TPCN2: variants seen among roughly 807,000 people sequenced by gnomAD.
The protein encoded by TPCN2 is two pore segment channel 2.
A neutral mutation model predicts 111.4 loss-of-function variants in TPCN2; 92 were observed. The ratio of observed to expected loss-of-function variants is 0.83; its 90% CI spans 0.70 to 0.98. TPCN2 has a LOEUF of 0.98. TPCN2 is among the 50% of genes least tolerant of loss of function. The pLI is 0.00. For missense variants in TPCN2, 995 were observed against 980.1 expected, an observed-to-expected ratio of 1.02 and a Z score of -0.20; for synonymous variants, 405 against 414.5, an observed-to-expected ratio of 0.98 and a Z score of 0.28.
At chr11:69,053,835 C>T (rs1012375486) in intron 1 of TPCN2, among the ~76,000 whole-genome samples, 198 bp from the exon 2 acceptor site, 9 of 152,194 alleles carry the variant, frequency 5.9e-5, no homozygotes, top group African/African-American at 1.9e-4. Context: ...CTGGCCTGTG[C>T]ATTTGATGCC....
intron 11 of TPCN2, among the ~76,000 whole-genome samples, 166 bp downstream of exon 11, chr11:69,072,189 C>T (rs984953651): frequency 2.6e-5 from 4 of 152,168 alleles, no homozygotes; most frequent in Non-Finnish European, 5.9e-5. Flanking sequence ...CTGTGGTTCC[C>T]GGCGTCCTTG....
At position 69,087,184 on chromosome 11, in the gene TPCN2, A is replaced by G. The variant is rs759079153; in HGVS notation, c.2158A>G (p.Met720Val). 6.2e-7 allele frequency: 1 copy of G among 1,613,732 alleles called. No individual in the cohort carries two copies. Among genetic ancestry groups the G allele is most frequent in the South Asian group, 1.1e-5 (1 of 91,068 alleles). The change falls in exon 24 of 25, where the codon ATG becomes GTG. Residue 720 changes from methionine (M) to valine (V), a missense_variant. By Grantham distance (21) the Met-to-Val change is conservative. Coordinates refer to ENST00000294309, the MANE Select transcript of TPCN2 (RefSeq NM_139075.4). ...LAGTPEATYQ[M>V]TVELLFRDIL... is the part of the protein sequence containing the mutation. Reference sequence around the variant, plus strand: ...TGGGACCCCAGAGGCCACCTACCAGATGACTGTGGAGCTCCTGTTCAGGTG... The same window carrying G: ...TGGGACCCCAGAGGCCACCTACCAGGTGACTGTGGAGCTCCTGTTCAGGTG...
intron 24 of TPCN2, 26 bp downstream of exon 24, chr11:69,087,232 G>C (rs375230173): frequency 1.3e-5 from 21 of 1,607,146 alleles, no homozygotes; most frequent in Admixed American, 1.7e-5. Context: ...AGGCGCTTCT[G>C]TCTGGCCCCC....
chr11:69,085,772 C>T lies in TPCN2; in HGVS notation c.1920+20C>T, dbSNP rs200153546. 212 of 1,613,482 alleles carry T rather than the reference C, an allele frequency of 1.3e-4. 2 individuals carry two copies. In the African/African-American group the frequency reaches 2.7e-3, roughly 20 times the overall value. ...TTTGCGGTGAGCCCTGCGCCCTGTC[C>T]CAGCACCCTGCTCCCCGGGCTCCTC... On this transcript the variant is annotated intron_variant, in intron 21 of 24. Coordinates refer to ENST00000294309, the MANE Select transcript of TPCN2 (RefSeq NM_139075.4).
intron 1 of TPCN2, 101 bp downstream of exon 1, chr11:69,049,207 C>G: frequency 2.4e-6 from 2 of 824,104 alleles, no homozygotes; most frequent in East Asian, 3.4e-5. Context: ...GGCGCGCCCC[C>G]ACCAGGTTCG....
At chr11:69,054,479 T>C (rs6591367) in intron 2 of TPCN2, 548,153 of 571,336 alleles carry the variant, frequency 0.96, 264,666 homozygotes, top group Non-Finnish European at 1. Context: ...GTTCCCTGAG[T>C]GTTTGCTCAC....
At chr11:69,074,160 C>A (rs142511788) in intron 13 of TPCN2, among the ~76,000 whole-genome samples, 374 of 152,358 alleles carry the variant, frequency 2.5e-3, no homozygotes, top group African/African-American at 8.2e-3. Flanking sequence ...GGCTGCAGGA[C>A]CCTGTCAGAG....
Position 69,084,023 on chromosome 11 carries a change from C to T in TPCN2, c.1761+7C>T, listed in dbSNP as rs780618802. The T allele has an allele frequency of 1.2e-6, 2 of 1,613,880 alleles. No homozygotes were observed. The highest frequency in any genetic ancestry group is 1.7e-4 in the Middle Eastern group (1 of 6,058). ...GTTTGGCGGGATCCTGGTGGTGAGT[C>T]CCAGGCTGCTGCTGGTGGCGGGTTA... is the stretch of plus-strand genomic sequence containing the variant. On this transcript the variant is annotated splice_region_variant and intron_variant, in intron 19 of 24. Transcript: ENST00000294309.
intron 7 of TPCN2, among the ~76,000 whole-genome samples, chr11:69,064,230 C>A (rs562013106): frequency 2.6e-5 from 4 of 152,188 alleles, no homozygotes; most frequent in South Asian, 2.1e-4. Flanking sequence ...TCCCACCCTC[C>A]TCTGCTCCCT....
At chr11:69,072,834 G>A in intron 12 of TPCN2, 81 bp from the exon 13 acceptor site, 1 of 1,523,066 alleles carries the variant, frequency 6.6e-7, no homozygotes, top group Non-Finnish European at 9.1e-7. Context: ...CGTCAGGGTG[G>A]GGTTGGGGCT....
chr11:69,076,529 G>T (rs549637963), intron 13 of TPCN2, among the ~76,000 whole-genome samples: 3 of 151,642 alleles, frequency 2.0e-5, no homozygotes, highest in Non-Finnish European at 4.4e-5. Flanking sequence ...TCCGGAAACC[G>T]CAGGGGAGGC....
chr11:69,072,011 C>G lies in TPCN2; in HGVS notation c.1049C>G (p.Ala350Gly). ...TCCTCCATGGTGGGGGAGGGAGGAG[C>G]CTTCCCTCAGGCGTGAGTGCTGGGC... ...VLSSMVGEGG[A>G]FPQAVGVKPQ... The change falls in exon 11 of 25, where the codon GCC becomes GGC. Residue 350 changes from alanine to glycine, a missense_variant. Coordinates refer to ENST00000294309, the MANE Select transcript of TPCN2 (RefSeq NM_139075.4). 1 of 1,613,312 alleles carries G rather than the reference C, an allele frequency of 6.2e-7. No individual in the cohort carries two copies. The highest frequency in any genetic ancestry group is 8.5e-7 in the Non-Finnish European group (1 of 1,179,610).
intron 17 of TPCN2, among the ~76,000 whole-genome samples, chr11:69,080,796 C>T (rs976480341): frequency 1.3e-5 from 2 of 152,242 alleles, no homozygotes; most frequent in African/African-American, 4.8e-5. Context: ...CTTTCATGTG[C>T]ACTGAGCATG....
At chr11:69,071,666 AAC>A (rs1855540829) in intron 10 of TPCN2, among the ~76,000 whole-genome samples, 1 of 152,204 alleles carries the variant, frequency 6.6e-6, no homozygotes, top group Non-Finnish European at 1.5e-5. Flanking sequence ...GGGCGCCCCC[AAC>A]ACACAGAGGA....
intron 1 of TPCN2, among the ~76,000 whole-genome samples, chr11:69,050,780 A>G (rs1486090916): frequency 6.6e-6 from 1 of 152,234 alleles, no homozygotes; most frequent in East Asian, 1.9e-4. Context: ...TCCTCAGCAC[A>G]GGGCCCGGCG....
intron 16 of TPCN2, chr11:69,079,278 GC>G (rs1855910004): frequency 1.9e-6 from 1 of 518,060 alleles, no homozygotes; most frequent in African/African-American, 1.9e-5. Context: ...CCCAGGGGAA[GC>G]CCTGAAGGAC....
chr11:69,079,960 G>C, intron 17 of TPCN2, 77 bp downstream of exon 17: 1 of 1,399,940 alleles, frequency 7.1e-7, no homozygotes, highest in Non-Finnish European at 1.0e-6. Context: ...GGTCTCAGTG[G>C]TGTCCAGGGG....
chr11:69,055,383 G>T lies in TPCN2; in HGVS notation c.429+31G>T, dbSNP rs768750333. 3 of 1,561,246 alleles carry T rather than the reference G, an allele frequency of 1.9e-6. No homozygotes were observed. In the East Asian group the frequency reaches 6.8e-5, roughly 35 times the overall value. The stretch of plus-strand genomic sequence containing the variant: ...GCGGGCGCCAGGCCCTCTACGTGCT[G>T]CCCCGGCCTCCCAGCGCCTGGCCGC... On this transcript the variant is annotated intron_variant, in intron 4 of 24. Coordinates refer to ENST00000294309, the MANE Select transcript of TPCN2 (RefSeq NM_139075.4).
chr11:69,087,114 C>G lies in TPCN2; in HGVS notation c.2088C>G (p.Asn696Lys). Reference protein sequence around the residue: ...VNLFLALILENFLHKWDPRSH... With the variant: ...VNLFLALILEKFLHKWDPRSH... ...TGGCCACTCCTCCTGCTTGCCAGAA[C>G]TTCCTTCACAAGTGGGACCCCCGCA... The change falls in exon 24 of 25, where the codon AAC becomes AAG. Residue 696 changes from asparagine (N) to lysine (K), a missense_variant and splice_region_variant. By Grantham distance (94) the Asn-to-Lys change is moderately conservative. Coordinates refer to ENST00000294309, the MANE Select transcript of TPCN2 (RefSeq NM_139075.4). 6.2e-7 allele frequency: 1 copy of G among 1,613,770 alleles called. No homozygotes were observed. Among genetic ancestry groups the G allele is most frequent in the African/African-American group, 1.3e-5 (1 of 75,024 alleles).
Sources: gnomAD v4.1 joint callset for allele counts (sites outside exome capture counted in the v4.1 genomes callset) on GRCh38, gnomAD v4.1.1 for gene constraint, MANE v1.5 for transcripts, NCBI Gene and HGNC (gene_info 2026-07-23, HGNC 2026-07-21) for gene names.